GPC5: variants seen among roughly 807,000 people sequenced by gnomAD.
GPC5 encodes glypican 5.
A neutral mutation model predicts 53.9 loss-of-function variants in GPC5; 47 were observed. The observed-to-expected ratio is 0.87, with a 90% CI of 0.69 to 1.11. The LOEUF is 1.11. Among genes scored for constraint, GPC5 ranks in the 50% most tolerant of loss-of-function variants. The pLI, the probability that GPC5 is intolerant of heterozygous loss-of-function variation, is 0.00. For synonymous variants in GPC5, 286 were observed against 263.3 expected (o/e 1.09, Z -0.84); for missense variants, 748 against 713.1 (o/e 1.05, Z -0.56).
At chr13:91,474,494 A>C (rs149211847) in intron 2 of GPC5, among the ~76,000 whole-genome samples, 1 of 152,090 alleles carries the variant, frequency 6.6e-6, no homozygotes, top group Admixed American at 6.6e-5. Flanking sequence ...GAAATCTGTC[A>C]GTTTCTCAAT....
chr13:92,148,573 A>T (rs2041884690), intron 7 of GPC5, among the ~76,000 whole-genome samples: 1 of 152,112 alleles, frequency 6.6e-6, no homozygotes, highest in Admixed American at 6.6e-5. Context: ...TGGCTTAAAA[A>T]TCCCATTAGG....
chr13:92,807,193 A>G (rs999045653), intron 7 of GPC5, among the ~76,000 whole-genome samples: 1 of 152,058 alleles, frequency 6.6e-6, no homozygotes, highest in Admixed American at 6.6e-5. Flanking sequence ...CAATATCATC[A>G]TTGTTTAACT....
chr13:92,087,672 T>C (rs931339816), intron 6 of GPC5, among the ~76,000 whole-genome samples: 1 of 152,174 alleles, frequency 6.6e-6, no homozygotes, highest in Non-Finnish European at 1.5e-5. Context: ...TTTTCACTTG[T>C]AGAATTGATC....
chr13:91,825,182 G>A (rs1406687150), intron 5 of GPC5, among the ~76,000 whole-genome samples: 1 of 151,914 alleles, frequency 6.6e-6, no homozygotes. Flanking sequence ...CAGAGTGGAA[G>A]AGAAAATAGA....
intron 7 of GPC5, among the ~76,000 whole-genome samples, chr13:92,203,659 AAAAT>A (rs1438481921): frequency 8.4e-5 from 9 of 107,362 alleles, no homozygotes; most frequent in East Asian, 2.2e-4. Flanking sequence ...TATATATAAA[AAAAT>A]AAATAAATAA....
In GPC5 at chr13:91,978,920, A is replaced by G. The variant is rs559841154; in HGVS notation, c.1401+70863A>G. 2.6e-5 allele frequency among the ~76,000 whole-genome samples: 4 copies of G among 152,272 alleles called. No homozygotes were observed. The South Asian group carries it at 8.3e-4, about 32-fold the overall frequency. ...TGGAAGATTTATGATCCATTTTGAG[A>G]AAGTATTGACAGAACAGGTTGATAA... On this transcript the variant is annotated intron_variant, in intron 6 of 7. Transcript: ENST00000377067.
intron 7 of GPC5, among the ~76,000 whole-genome samples, chr13:92,355,969 C>T (rs915976351): frequency 5.3e-5 from 8 of 150,066 alleles, no homozygotes; most frequent in South Asian, 2.1e-4. Flanking sequence ...ATGATCACTA[C>T]CCTGAATATA....
chr13:91,942,755 A>G (rs2039939552), intron 6 of GPC5, among the ~76,000 whole-genome samples: 1 of 152,144 alleles, frequency 6.6e-6, no homozygotes, highest in Admixed American at 6.5e-5. Flanking sequence ...ATAATTTAAA[A>G]GAAGACAATA....
At chr13:91,679,161 A>G (rs779319617) in intron 2 of GPC5, among the ~76,000 whole-genome samples, 2 of 149,816 alleles carry the variant, frequency 1.3e-5, no homozygotes, top group Admixed American at 6.6e-5. Context: ...ATTTTTTAAG[A>G]AATCAACATT....
chr13:91,983,111 C>T (rs2040374618), intron 6 of GPC5, among the ~76,000 whole-genome samples: 1 of 151,714 alleles, frequency 6.6e-6, no homozygotes, highest in African/African-American at 2.4e-5. Flanking sequence ...TTTGGGATGC[C>T]GAGACGGGCG....
At chr13:91,928,450 G>C (rs193136604) in intron 6 of GPC5, among the ~76,000 whole-genome samples, 8 of 152,268 alleles carry the variant, frequency 5.3e-5, no homozygotes, top group Non-Finnish European at 2.9e-5. Context: ...AAATGTGAGC[G>C]ATGTTTCAGT....
chr13:92,834,181 T>C (rs899000483), intron 7 of GPC5, among the ~76,000 whole-genome samples: 1 of 152,156 alleles, frequency 6.6e-6, no homozygotes, highest in African/African-American at 2.4e-5. Flanking sequence ...AGCTAATAAA[T>C]GAAAAACACT....
chr13:91,714,157 C>G (rs2036285319), intron 3 of GPC5, among the ~76,000 whole-genome samples: 1 of 152,216 alleles, frequency 6.6e-6, no homozygotes, highest in African/African-American at 2.4e-5. Flanking sequence ...CTCTCACCAA[C>G]AACTCACCTC....
At chr13:91,775,853 A>T (rs914704172) in intron 5 of GPC5, among the ~76,000 whole-genome samples, 5 of 152,188 alleles carry the variant, frequency 3.3e-5, no homozygotes. Context: ...TATCTGGCTA[A>T]GTGAAACTGA....
intron 7 of GPC5, among the ~76,000 whole-genome samples, chr13:92,200,385 G>A (rs566345375): frequency 6.6e-6 from 1 of 152,292 alleles, no homozygotes; most frequent in South Asian, 2.1e-4. Flanking sequence ...GCACACATTT[G>A]TTTTTCAGTA....
chr13:91,725,892 A>G (rs556345558), intron 3 of GPC5, among the ~76,000 whole-genome samples: 1 of 152,316 alleles, frequency 6.6e-6, no homozygotes, highest in Non-Finnish European at 1.5e-5. Context: ...CTCAAACCCT[A>G]TGACAAGGCA....
intron 7 of GPC5, among the ~76,000 whole-genome samples, chr13:92,561,534 C>T (rs1594305849): frequency 6.6e-6 from 1 of 151,980 alleles, no homozygotes; most frequent in Non-Finnish European, 1.5e-5. Flanking sequence ...TAAAATAATG[C>T]CTGGCATGTA....
At chr13:92,403,488 A>AT (rs1875650579) in intron 7 of GPC5, among the ~76,000 whole-genome samples, 1 of 152,150 alleles carries the variant, frequency 6.6e-6, no homozygotes, top group Non-Finnish European at 1.5e-5. Context: ...TGGGAACACA[A>AT]ACCCTATTGT....
chr13:92,338,219 T>C (rs536908800), intron 7 of GPC5, among the ~76,000 whole-genome samples: 1 of 151,888 alleles, frequency 6.6e-6, no homozygotes, highest in South Asian at 2.1e-4. Flanking sequence ...ATCAGGCAAA[T>C]GCAAATTAAA....
Sources: gnomAD v4.1 joint callset for allele counts (sites outside exome capture counted in the v4.1 genomes callset) on GRCh38, gnomAD v4.1.1 for gene constraint, MANE v1.5 for transcripts, NCBI Gene and HGNC (gene_info 2026-07-23, HGNC 2026-07-21) for gene names.